ENAH: variants seen among roughly 807,000 people sequenced by gnomAD.
ENAH encodes the protein ENAH actin regulator.
A neutral mutation model predicts 78.7 loss-of-function variants in ENAH; 23 were observed. The observed-to-expected ratio is 0.29, with a 90% CI of 0.21 to 0.41. The LOEUF (loss-of-function observed/expected upper bound fraction) is 0.41. Ranked by LOEUF, ENAH falls within the 10% of genes least tolerant of loss-of-function variation. The probability of loss-of-function intolerance (pLI) is 1.00; values close to 1 mark genes in which losing one functional copy is unlikely to be tolerated. For missense variants in ENAH, 544 were observed against 691.0 expected (o/e 0.79, Z 2.39); for synonymous variants, 226 against 241.0 (o/e 0.94, Z 0.58).
At chr1:225,553,306 C>T (rs1452550400) in intron 3 of ENAH, among the ~76,000 whole-genome samples, 1 of 152,076 alleles carries the variant, frequency 6.6e-6, no homozygotes, top group African/African-American at 2.4e-5. Context: ...CAATCCTTTC[C>T]ATTTGGCTAA....
At chr1:225,584,086 G>A (rs1480018249) in intron 1 of ENAH, among the ~76,000 whole-genome samples, 1 of 152,170 alleles carries the variant, frequency 6.6e-6, no homozygotes, top group African/African-American at 2.4e-5. Context: ...CCGGGAGATG[G>A]AGGTTGCAGT....
At chr1:225,497,867 T>A in intron 13 of ENAH, 55 bp from the exon 14 acceptor site, 1 of 1,497,714 alleles carries the variant, frequency 6.7e-7, no homozygotes. Context: ...GTAAGATAAA[T>A]GAGTGATTCA....
At chr1:225,632,484 C>T (rs1351064544) in intron 1 of ENAH, among the ~76,000 whole-genome samples, 4 of 140,244 alleles carry the variant, frequency 2.9e-5, no homozygotes, top group African/African-American at 7.9e-5. Flanking sequence ...GGTGACACAG[C>T]GAGACTCCGT....
At chr1:225,545,439 AT>A in intron 3 of ENAH, among the ~76,000 whole-genome samples, 1 of 152,316 alleles carries the variant, frequency 6.6e-6, no homozygotes, top group African/African-American at 2.4e-5. Flanking sequence ...ATCTATCATT[AT>A]TTACTGTACT....
rs76445551 is a variant in ENAH at position 225,523,150 on chromosome 1, A to T, written c.435-3585T>A. 6.5e-4 allele frequency among the ~76,000 whole-genome samples: 99 copies of T among 152,152 alleles called. 1 individual carries two copies. In the East Asian group the frequency reaches 0.014, roughly 22 times the overall value. ...CACAGCTTACATTATTAACATGATA[A>T]TGTAAATACTGCTCACAGCTGAACC... On this transcript the variant is annotated intron_variant, in intron 4 of 13. Coordinates refer to ENST00000366843, the MANE Select transcript of ENAH (RefSeq NM_018212.6).
chr1:225,620,954 G>A (rs893149624), intron 1 of ENAH, among the ~76,000 whole-genome samples: 8 of 150,744 alleles, frequency 5.3e-5, no homozygotes, highest in East Asian at 4.0e-4. Flanking sequence ...GCAGTCAGCC[G>A]CCATCTCACC....
At position 225,616,998 on chromosome 1, in the gene ENAH, T is replaced by G. The variant is rs1375260389; in HGVS notation, c.5+35688A>C. Among the ~76,000 whole-genome samples, 3 of 148,770 alleles carry G rather than the reference T, an allele frequency of 2.0e-5. No individual in the cohort carries two copies. In the East Asian group the frequency reaches 5.9e-4, roughly 29 times the overall value. ...CCTGTAATCCCAGCTACTCGGGAGG[T>G]TGAGGCAGGAGAATCGCTTGAACCT... On this transcript the variant is annotated intron_variant, in intron 1 of 13. Transcript: ENST00000366843.
chr1:225,552,350 G>A (rs1197853797), intron 3 of ENAH, among the ~76,000 whole-genome samples: 1 of 151,886 alleles, frequency 6.6e-6, no homozygotes, highest in African/African-American at 2.4e-5. Flanking sequence ...ATGTTAGCCA[G>A]GATGGTCTCA....
At chr1:225,580,347 C>G (rs78536849) in intron 1 of ENAH, 2 of 151,960 alleles carry the variant, frequency 1.3e-5, no homozygotes, top group African/African-American at 4.8e-5. Context: ...TGGCATGCAA[C>G]TAAATCCAAT....
intron 1 of ENAH, among the ~76,000 whole-genome samples, chr1:225,648,567 C>T (rs1461592766): frequency 6.6e-6 from 1 of 152,132 alleles, no homozygotes; most frequent in Non-Finnish European, 1.5e-5. Flanking sequence ...TAAATTCCTA[C>T]AATACTGACA....
intron 3 of ENAH, among the ~76,000 whole-genome samples, chr1:225,553,473 T>C (rs1277308333): frequency 1.3e-5 from 2 of 152,068 alleles, no homozygotes; most frequent in Non-Finnish European, 2.9e-5. Context: ...ATAAAAATAA[T>C]GCTAGTTTGT....
chr1:225,624,154 T>C (rs1007958293), intron 1 of ENAH, among the ~76,000 whole-genome samples: 3 of 152,100 alleles, frequency 2.0e-5, no homozygotes, highest in Non-Finnish European at 4.4e-5. Flanking sequence ...AAAAGCTTCA[T>C]AGGTTGGGTA....
intron 1 of ENAH, among the ~76,000 whole-genome samples, chr1:225,601,064 A>G (rs560025206): frequency 1.3e-5 from 2 of 152,314 alleles, no homozygotes; most frequent in African/African-American, 4.8e-5. Flanking sequence ...ACAGCAAAAT[A>G]TATCTACCCA....
chr1:225,524,758 T>C (rs1448006758), intron 4 of ENAH: 20 of 595,760 alleles, frequency 3.4e-5, no homozygotes, highest in Non-Finnish European at 4.0e-5. Flanking sequence ...TTGCGAACTA[T>C]TTATAGATAT....
At chr1:225,600,498 C>T (rs1378794169) in intron 1 of ENAH, among the ~76,000 whole-genome samples, 3 of 151,996 alleles carry the variant, frequency 2.0e-5, no homozygotes, top group South Asian at 4.2e-4. Flanking sequence ...TGGCAAAAAA[C>T]GCAATTACTT....
At chr1:225,587,286 A>C (rs1274010775) in intron 1 of ENAH, among the ~76,000 whole-genome samples, 5 of 152,202 alleles carry the variant, frequency 3.3e-5, no homozygotes. Flanking sequence ...GAAAATCCTA[A>C]GGAATCTACA....
intron 2 of ENAH, among the ~76,000 whole-genome samples, chr1:225,558,762 T>C (rs1414765714): frequency 1.3e-5 from 2 of 150,608 alleles, no homozygotes; most frequent in African/African-American, 4.9e-5. Context: ...GCCTCCCGAG[T>C]AGCTGGGACT....
intron 3 of ENAH, 105 bp from the exon 4 acceptor site, chr1:225,530,743 G>A (rs959524890): frequency 4.4e-5 from 39 of 888,994 alleles, no homozygotes; most frequent in Admixed American, 9.4e-5. Flanking sequence ...ATTTACAAAC[G>A]TGTCTTCTTT....
chr1:225,532,030 A>G (rs1326341670), intron 3 of ENAH, among the ~76,000 whole-genome samples: 3 of 152,086 alleles, frequency 2.0e-5, no homozygotes, highest in East Asian at 3.8e-4. Flanking sequence ...CATGTAATCA[A>G]TAACAAAAAA....
Sources: gnomAD v4.1 joint callset for allele counts (sites outside exome capture counted in the v4.1 genomes callset) on GRCh38, gnomAD v4.1.1 for gene constraint, MANE v1.5 for transcripts, NCBI Gene and HGNC (gene_info 2026-07-23, HGNC 2026-07-21) for gene names.